Variants in PCDHA2 observed in about 807,000 individuals in gnomAD.
The protein encoded by PCDHA2 is protocadherin alpha 2.
Under a neutral mutation model 66.0 loss-of-function variants are expected in PCDHA2, and 58 were observed. The ratio of observed to expected loss-of-function variants is 0.88; its 90% CI spans 0.71 to 1.09. PCDHA2 has a LOEUF of 1.09. Among genes scored for constraint, PCDHA2 ranks in the 50% least tolerant of loss-of-function variants. PCDHA2 has a pLI of 0.00. For missense variants in PCDHA2, 1,267 were observed against 1,242.3 expected (o/e 1.02, Z -0.30); for synonymous variants, 634 against 554.0 (o/e 1.14, Z -2.03).
chr5:140,915,957 T>G (rs1476969057), intron 1 of PCDHA2, among the ~76,000 whole-genome samples: 4 of 151,934 alleles, frequency 2.6e-5, no homozygotes, highest in African/African-American at 4.8e-5. Flanking sequence ...TACTTAGAAA[T>G]TTGCCTGATA....
At chr5:140,800,190 T>G (rs1480612157) in intron 1 of PCDHA2, among the ~76,000 whole-genome samples, 1 of 152,108 alleles carries the variant, frequency 6.6e-6, no homozygotes, top group Admixed American at 6.5e-5. Flanking sequence ...AAATTAAACC[T>G]AATATATTCT....
At chr5:140,834,243 A>G (rs1260140058) in intron 1 of PCDHA2, 2 of 837,910 alleles carry the variant, frequency 2.4e-6, no homozygotes, top group African/African-American at 3.4e-5. Flanking sequence ...TCCTTTTCGC[A>G]CTGGAAAGAC....
At chr5:140,812,204 C>T (rs1765061250) in intron 1 of PCDHA2, 1 of 151,604 alleles carries the variant, frequency 6.6e-6, no homozygotes, top group South Asian at 2.1e-4. Flanking sequence ...TTACTAGTTA[C>T]AGCTTTGTTT....
chr5:140,841,338 G>A (rs2150313822), intron 1 of PCDHA2: 3 of 1,611,372 alleles, frequency 1.9e-6, no homozygotes, highest in South Asian at 2.2e-5. Flanking sequence ...TATCACTGGC[G>A]AGGAGAGCTG....
At chr5:140,910,682 C>G (rs1280217836) in intron 1 of PCDHA2, among the ~76,000 whole-genome samples, 2 of 152,198 alleles carry the variant, frequency 1.3e-5, no homozygotes, top group East Asian at 3.8e-4. Flanking sequence ...GGAGATCAGG[C>G]ATTTCCAGCT....
chr5:140,975,202 T>G (rs143285430), intron 1 of PCDHA2, among the ~76,000 whole-genome samples: 4 of 152,352 alleles, frequency 2.6e-5, no homozygotes, highest in African/African-American at 7.2e-5. Flanking sequence ...TCCATCTTCA[T>G]GGCTGGCACT....
At chr5:140,834,199 G>T in intron 1 of PCDHA2, 2 of 595,406 alleles carry the variant, frequency 3.4e-6, no homozygotes, top group South Asian at 2.6e-5. Flanking sequence ...GCTCTTTACC[G>T]CAAATTCTTT....
rs2150121761 is a variant in PCDHA2 at position 140,823,056 on chromosome 5, G to A, written c.2388+25704G>A. 3.0e-3 allele frequency: 4,897 copies of A among 1,614,054 alleles called. 120 individuals are homozygous for A. The African/African-American group carries it at 0.055, about 18-fold the overall frequency. On this transcript the variant is annotated intron_variant, in intron 1 of 3. Transcript: ENST00000526136. The stretch of plus-strand genomic sequence containing the variant: ...TCTATGAGCTGGTGGTGACCGCGCG[G>A]GACGGGGGCTCGCCTTCGCTGTGGG...
At chr5:140,973,375 C>A (rs2096584404) in intron 1 of PCDHA2, among the ~76,000 whole-genome samples, 1 of 152,182 alleles carries the variant, frequency 6.6e-6, no homozygotes, top group Admixed American at 6.5e-5. Context: ...GCACAATGGT[C>A]AGAATAGACA....
intron 1 of PCDHA2, chr5:140,828,576 T>G: frequency 1.2e-6 from 2 of 1,614,230 alleles, no homozygotes; most frequent in Non-Finnish European, 1.7e-6. Flanking sequence ...GATGCAGATG[T>G]TGGCTCAAAT....
In PCDHA2 at chr5:140,873,562, T is replaced by C. The variant is rs2054348263; in HGVS notation, c.2388+76210T>C. On this transcript the variant is annotated intron_variant, in intron 1 of 3. Coordinates refer to ENST00000526136, the MANE Select transcript of PCDHA2 (RefSeq NM_018905.3). ...AAAATTATAATTTCAATTTATTTTCTAGTTTGGTTGTTTAAGTATTAAGCT... is the reference window on the plus strand; with the variant it reads ...AAAATTATAATTTCAATTTATTTTCCAGTTTGGTTGTTTAAGTATTAAGCT... Among the ~76,000 whole-genome samples, 7 of 149,812 alleles carry C rather than the reference T, an allele frequency of 4.7e-5. No individual in the cohort carries two copies. In the South Asian group the frequency reaches 1.5e-3, roughly 31 times the overall value.
intron 1 of PCDHA2, chr5:140,861,513 T>C: frequency 2.1e-6 from 1 of 470,750 alleles, no homozygotes; most frequent in East Asian, 6.2e-5. Flanking sequence ...CGAGGAGCTG[T>C]GTGGGAGGAT....
At chr5:140,884,020 G>A (rs61734917) in intron 1 of PCDHA2, 5 of 1,613,174 alleles carry the variant, frequency 3.1e-6, no homozygotes, top group East Asian at 2.2e-5. Flanking sequence ...TGCCGCGGTC[G>A]GTGGGTGCAG....
At chr5:140,836,792 G>A (rs781818049) in intron 1 of PCDHA2, 3 of 1,416,344 alleles carry the variant, frequency 2.1e-6, no homozygotes, top group Non-Finnish European at 2.9e-6. Context: ...AGTTCAATTG[G>A]TCTCCTTAAA....
chr5:141,001,164 A>T (rs2097995699), intron 3 of PCDHA2, among the ~76,000 whole-genome samples: 1 of 152,102 alleles, frequency 6.6e-6, no homozygotes, highest in East Asian at 1.9e-4. Context: ...AATAAGTAAA[A>T]TTTAACGAGT....
At chr5:140,999,494 C>G (rs2097859711) in intron 3 of PCDHA2, among the ~76,000 whole-genome samples, 1 of 152,064 alleles carries the variant, frequency 6.6e-6, no homozygotes, top group Non-Finnish European at 1.5e-5. Context: ...CTATGTTACC[C>G]AAGAACCTAC....
intron 1 of PCDHA2, among the ~76,000 whole-genome samples, chr5:140,881,723 A>G (rs2058808704): frequency 6.6e-6 from 1 of 152,172 alleles, no homozygotes; most frequent in South Asian, 2.1e-4. Flanking sequence ...GGAGGTCTTG[A>G]AAAATATTAC....
chr5:140,843,317 C>G (rs2150357275), intron 1 of PCDHA2: 11 of 1,595,910 alleles, frequency 6.9e-6, no homozygotes, highest in African/African-American at 1.3e-5. Context: ...GGCCACGGTT[C>G]TGGTGTCGCT....
intron 1 of PCDHA2, chr5:140,804,056 T>C (rs782242536): frequency 6.1e-6 from 1 of 163,738 alleles, no homozygotes. Flanking sequence ...CTATTGATTA[T>C]GCTTTTCCAC....
Sources: gnomAD v4.1 joint callset for allele counts (sites outside exome capture counted in the v4.1 genomes callset) on GRCh38, gnomAD v4.1.1 for gene constraint, MANE v1.5 for transcripts, NCBI Gene and HGNC (gene_info 2026-07-23, HGNC 2026-07-21) for gene names.